The following POLE variants were observed in gnomAD, a reference collection of about 807,000 sequenced individuals.
The protein encoded by POLE is DNA polymerase epsilon catalytic subunit A.
A neutral mutation model predicts 279.2 loss-of-function variants in POLE; 188 were observed. The observed-to-expected ratio is 0.67, with a 90% confidence interval of 0.60 to 0.76. The LOEUF is 0.76. POLE is among the 30% of genes least tolerant of loss of function. The pLI is 0.00. For missense variants in POLE, 2,703 were observed against 3,016.7 expected, an observed-to-expected ratio of 0.90 and a Z score of 2.44; for synonymous variants, 1,214 against 1,172.5, an observed-to-expected ratio of 1.04 and a Z score of -0.72.
chr12:132,643,552 T>G lies in POLE; in HGVS notation c.4299A>C (p.Leu1433Phe), dbSNP rs758173240. The G allele has an allele frequency of 6.2e-7, 1 of 1,614,048 alleles. No homozygotes were observed. The highest frequency in any genetic ancestry group is 1.7e-5 in the Admixed American group (1 of 60,034). The part of the protein sequence containing the change: ...IEGVYETQVP[L>F]LFRALVHLGC... ...CCAGGTGCACCAGGGCCCGGAACAG[T>G]AACGGAACCTGGAAGAATCGGGCAG... Residue 1433 changes from leucine to phenylalanine, a missense_variant, in exon 34 of 49, where the codon TTA becomes TTC. Around this residue, in one of 5 missense-constraint regions of POLE, gnomAD observed 1,551 missense variants for 1,686.1 expected, o/e 0.92. Coordinates refer to ENST00000320574, the MANE Select transcript of POLE (RefSeq NM_006231.4).
At chr12:132,626,887 A>G (rs1371229762) in intron 45 of POLE, among the ~76,000 whole-genome samples, 2 of 152,252 alleles carry the variant, frequency 1.3e-5, no homozygotes, top group African/African-American at 2.4e-5. Flanking sequence ...AACCACCTCA[A>G]TGGACTAACA....
Position 132,643,891 on chromosome 12 carries a change from G to A in POLE, c.4236C>T (p.Asn1412=), listed in dbSNP as rs377245595. 72 of 1,614,186 alleles carry A rather than the reference G, an allele frequency of 4.5e-5. No individual in the cohort carries two copies. The highest frequency in any genetic ancestry group is 4.1e-4 in the South Asian group (37 of 91,086). Residue 1412 remains asparagine (N), a synonymous_variant, in exon 33 of 49, where the codon AAC becomes AAT. Coordinates refer to ENST00000320574, the MANE Select transcript of POLE (RefSeq NM_006231.4). ...VPEDMYQEHI[N]EINAELSAPD... ...GCGCTGACAGCTCAGCGTTGATCTC[G>A]TTGATGTGTTCCTGGTACATGTCCT...
Position 132,679,722 on chromosome 12 carries a change from C to A in POLE, c.424-71G>T. ...CTTTATGGGTGAGAGGGTAAACACTCAAAGGTAAACACACAAGTCAAAGAG... is the reference window on the plus strand; with the variant it reads ...CTTTATGGGTGAGAGGGTAAACACTAAAAGGTAAACACACAAGTCAAAGAG... On this transcript the variant is annotated intron_variant, in intron 5 of 48. Transcript: ENST00000320574. 3 of 1,518,592 alleles carry A rather than the reference C, an allele frequency of 2.0e-6. No homozygotes were observed. The African/African-American group carries it at 4.1e-5, about 21-fold the overall frequency. 94.1% of individuals were successfully genotyped at this position (1,518,592 alleles called of 1,614,324 possible).
rs557996561 is a variant in POLE, at chr12:132,649,335, T to C, written c.3976A>G (p.Ile1326Val). ...ACAATCTGCCACGGAAGGTCCAGGA[T>C]GCTGCGGGCAGTTCTTCGCAAGAAG... Reference protein sequence around the residue: ...GSFLRRTARSILDLPWQIVQI... With the variant: ...GSFLRRTARSVLDLPWQIVQI... Residue 1326 changes from isoleucine to valine, a missense_variant, in exon 31 of 49, where the codon ATC becomes GTC. This residue lies in a region of POLE where 1,551 missense variants were observed against 1,686.1 expected (regional missense o/e 0.92). Coordinates refer to ENST00000320574, the MANE Select transcript of POLE (RefSeq NM_006231.4). 4 of 1,613,566 alleles carry C rather than the reference T, an allele frequency of 2.5e-6. No homozygotes were observed. The Admixed American group carries it at 5.0e-5, about 20-fold the overall frequency.
intron 39 of POLE, chr12:132,641,178 C>T (rs1185898361): frequency 1.9e-5 from 8 of 414,254 alleles, no homozygotes; most frequent in Non-Finnish European, 3.9e-5. Context: ...GCAAGCATTG[C>T]CCAGCATGAA....
Position 132,638,138 on chromosome 12 carries a change from G to T in POLE, c.5554C>A (p.Leu1852Ile), listed in dbSNP as rs2042072030. Residue 1852 changes from leucine to isoleucine, a missense_variant and splice_region_variant, in exon 41 of 49, where the codon CTC (leucine) becomes ATC (isoleucine). Around this residue, in one of 5 missense-constraint regions of POLE, gnomAD observed 1,551 missense variants for 1,686.1 expected, o/e 0.92. Coordinates refer to ENST00000320574, the MANE Select transcript of POLE (RefSeq NM_006231.4). ...CCCAGGCGCTTGAACTCAGCGATGA[G>T]CCTGTGGAGCAAGTTGAGAGTCCGT... ...HNMMKKLFLQ[L>I]IAEFKRLGSS... 6.2e-7 allele frequency: 1 copy of T among 1,613,558 alleles called. No individual in the cohort carries two copies. The highest frequency in any genetic ancestry group is 1.3e-5 in the African/African-American group (1 of 74,956).
chr12:132,635,271 G>A (rs528179000), intron 42 of POLE, among the ~76,000 whole-genome samples: 1 of 152,104 alleles, frequency 6.6e-6, no homozygotes, highest in Non-Finnish European at 1.5e-5. Context: ...CCGCACCTGG[G>A]CATTTACACA....
Position 132,634,393 on chromosome 12 carries a change from A to T in POLE, c.5812-15T>A. ...TGGGAGTCTTGCTGTAACACATGAG[A>T]CAACGCGGCTGTGTTTGCACCATCG... On this transcript the variant is annotated splice_polypyrimidine_tract_variant and intron_variant, in intron 42 of 48. Transcript: ENST00000320574. The surrounding 1 kb of genome is among the most constrained non-coding windows in gnomAD (Gnocchi z 4.0). 1 of 1,609,356 alleles carries T rather than the reference A, an allele frequency of 6.2e-7. No individual in the cohort carries two copies. The highest frequency in any genetic ancestry group is 8.5e-7 in the Non-Finnish European group (1 of 1,176,620).
chr12:132,651,368 C>CCAGA (rs1181770646), intron 29 of POLE: 1 of 152,184 alleles, frequency 6.6e-6, no homozygotes, highest in African/African-American at 2.4e-5. Context: ...GACTCAATGA[C>CCAGA]CATCTCTGTA....
Position 132,626,341 on chromosome 12 carries a change from G to A in POLE, c.6331-24C>T, listed in dbSNP as rs201573387. The A allele has an allele frequency of 1.3e-4, 209 of 1,611,370 alleles. No homozygotes were observed. The highest frequency in any genetic ancestry group is 1.6e-4 in the Non-Finnish European group (193 of 1,178,456). On this transcript the variant is annotated intron_variant, in intron 45 of 48. Coordinates refer to ENST00000320574, the MANE Select transcript of POLE (RefSeq NM_006231.4). ...ACCTGCAGAGACCACAGCCCACATC[G>A]GGAAGGAGCTCCCGGGGCCTCCCTG... is the stretch of plus-strand genomic sequence containing the variant.
chr12:132,632,995 CACCTGAGTTCAT>C (rs2138466879), intron 43 of POLE, 200 bp from the exon 44 acceptor site: 1 of 580,494 alleles, frequency 1.7e-6, no homozygotes, highest in East Asian at 3.0e-5. Flanking sequence ...CACTCGCTGA[CACCTGAGTTCAT>C]TGTCAGAGAG....
At chr12:132,636,419 C>G (rs10870481) in intron 41 of POLE, among the ~76,000 whole-genome samples, 3 of 142,880 alleles carry the variant, frequency 2.1e-5, no homozygotes, top group Non-Finnish European at 4.5e-5. Flanking sequence ...ACCCAATCCT[C>G]TGCACATTAG....
chr12:132,640,679 G>T (rs2042123287), intron 39 of POLE, among the ~76,000 whole-genome samples: 1 of 152,250 alleles, frequency 6.6e-6, no homozygotes. Context: ...ATGGGGTCAA[G>T]AACAGAATGT....
rs1593708662 is a variant in POLE at position 132,632,663 on chromosome 12, C to A, written c.6136+1G>T. The A allele has an allele frequency of 6.2e-7, 1 of 1,614,008 alleles. No homozygotes were observed. The highest frequency in any genetic ancestry group is 8.5e-7 in the Non-Finnish European group (1 of 1,179,986). ...GCCTCAAAAGACAAAAGACTGCTCACCGGGAAGGGCTCCGACCGCCCCCTC... is the reference window on the plus strand; with the variant it reads ...GCCTCAAAAGACAAAAGACTGCTCAACGGGAAGGGCTCCGACCGCCCCCTC... On this transcript the variant is annotated splice_donor_variant, in intron 44 of 48. Transcript: ENST00000320574. LOFTEE classifies it high-confidence loss of function.
Position 132,649,019 on chromosome 12 carries a change from A to T in POLE, c.4059T>A (p.Ser1353Arg), listed in dbSNP as rs1555223871. The T allele has an allele frequency of 1.2e-6, 2 of 1,613,900 alleles. No homozygotes were observed. The highest frequency in any genetic ancestry group is 8.5e-7 in the Non-Finnish European group (1 of 1,179,992). ...TGCTCAGCCTGATGCAGTGCAAGTC[A>T]CTGCCAACGAGCGCCCACAGCCTGA... ...GLFRLWALVG[S>R]DLHCIRLSIP... The change falls in exon 32 of 49, where the codon AGT (serine) becomes AGA (arginine). Residue 1353 changes from serine to arginine, a missense_variant. Ser to Arg is a moderately radical substitution (Grantham distance 110, BLOSUM62 -1). This residue lies in a region of POLE where 1,551 missense variants were observed against 1,686.1 expected (regional missense o/e 0.92). Transcript: ENST00000320574.
intron 41 of POLE, among the ~76,000 whole-genome samples, chr12:132,636,440 GGAAAAAAAAAAA>G (rs1186960882): frequency 5.7e-5 from 4 of 70,364 alleles, no homozygotes; most frequent in Admixed American, 1.7e-4. Context: ...ATCCATTTAA[GGAAAAAAAAAAA>G]AAAAAAAAAA....
chr12:132,632,880 T>A (rs1329977173), intron 43 of POLE, 85 bp from the exon 44 acceptor site: 16 of 1,443,418 alleles, frequency 1.1e-5, no homozygotes, highest in Non-Finnish European at 1.5e-5. Context: ...GCTGGTCAGA[T>A]TGCCTCACAG....
Position 132,672,786 on chromosome 12 carries a change from G to A in POLE, c.1527C>T (p.Ala509=), listed in dbSNP as rs1593071203. The change falls in exon 15 of 49, where the codon GCC becomes GCT. Residue 509 remains alanine, a synonymous_variant. Transcript: ENST00000320574. ...TGGGGAAGATGATGTTGGCGTGGAA[G>A]GCCTGCACCATCAGCAAGGCCTCAC... is the stretch of plus-strand genomic sequence containing the variant. The part of the protein sequence containing the change: ...TLCEALLMVQ[A]FHANIIFPNK... The A allele has an allele frequency of 6.2e-7, 1 of 1,614,178 alleles. No individual in the cohort carries two copies.
At position 132,632,680 on chromosome 12, in the gene POLE, C is replaced by T. The variant is rs777260502; in HGVS notation, c.6120G>A (p.Ala2040=). 9.9e-6 allele frequency: 16 copies of T among 1,613,872 alleles called. No homozygotes were observed. In the Middle Eastern group the frequency reaches 4.9e-4, roughly 50 times the overall value. Residue 2040 remains alanine, a synonymous_variant, in exon 44 of 49, where the codon GCG becomes GCA. Coordinates refer to ENST00000320574, the MANE Select transcript of POLE (RefSeq NM_006231.4). The part of the protein sequence containing the change: ...ASQLSQEAEG[A]VGALPGMITF... ...ACTGCTCACCGGGAAGGGCTCCGAC[C>T]GCCCCCTCGGCCTCCTGGGAGAGCT...
Sources: gnomAD v4.1 joint callset for allele counts (sites outside exome capture counted in the v4.1 genomes callset) on GRCh38, gnomAD v4.1.1 for gene constraint, gnomAD v4.1.1 regional missense constraint, Gnocchi (gnomAD v3.1) non-coding constraint, MANE v1.5 for transcripts, NCBI Gene and HGNC (gene_info 2026-07-23, HGNC 2026-07-21) for gene names.